Variants in NAV2 observed in about 807,000 individuals in gnomAD.
NAV2 encodes the protein neuron navigator 2, also known as helicase, APC down-regulated 1.
NAV2 carries 54 observed loss-of-function variants against 223.2 expected under a neutral mutation model. The observed-to-expected ratio is 0.24, with a 90% CI of 0.19 to 0.30. NAV2 has a LOEUF of 0.30. Among genes scored for constraint, NAV2 ranks in the 10% least tolerant of loss-of-function variants. NAV2 has a pLI of 1.00. For synonymous variants in NAV2, 1,279 were observed against 1,239.3 expected, an observed-to-expected ratio of 1.03 and a Z score of -0.67; for missense variants, 2,806 against 3,147.5, an observed-to-expected ratio of 0.89 and a Z score of 2.60.
intron 1 of NAV2, among the ~76,000 whole-genome samples, chr11:19,561,232 A>C (rs552747710): frequency 1.3e-5 from 2 of 152,296 alleles, no homozygotes; most frequent in South Asian, 4.2e-4. Flanking sequence ...AATGATGACT[A>C]ATTCTGTTCA....
Position 19,605,270 on chromosome 11 carries a change from C to T in NAV2, c.76-227214C>T, listed in dbSNP as rs75770686. On this transcript the variant is annotated intron_variant, in intron 1 of 37. Coordinates refer to the NAV2 transcript ENST00000360655. ...CTGATGTGCCTCCATCCAGCTGCCC[C>T]TTCAACCCTCAAACTCATCTAGATC... Among the ~76,000 whole-genome samples the T allele has an allele frequency of 3.4e-3, 524 of 152,258 alleles. 2 individuals carry two copies. Among genetic ancestry groups the T allele is most frequent in the African/African-American group, 0.012 (504 of 41,550 alleles).
intron 22 of NAV2, among the ~76,000 whole-genome samples, chr11:20,075,483 C>T (rs11822258): frequency 0.32 from 48,644 of 151,838 alleles, 8,656 homozygotes; most frequent in African/African-American, 0.48. Flanking sequence ...CCTCAGGGTC[C>T]GCCCGCCTTA....
At chr11:19,381,964 T>C (rs1392887955) in intron 1 of NAV2, among the ~76,000 whole-genome samples, 3 of 152,250 alleles carry the variant, frequency 2.0e-5, no homozygotes, top group Non-Finnish European at 4.4e-5. Context: ...GTGTGTCCTA[T>C]GCCAATCTGC....
intron 1 of NAV2, among the ~76,000 whole-genome samples, chr11:19,460,309 C>A (rs150276187): frequency 4.5e-4 from 69 of 152,266 alleles, no homozygotes; most frequent in African/African-American, 1.5e-3. Flanking sequence ...TCAAATCCAG[C>A]TTTCTTATTT....
At chr11:19,381,619 G>A (rs889175354) in intron 1 of NAV2, among the ~76,000 whole-genome samples, 5 of 152,192 alleles carry the variant, frequency 3.3e-5, no homozygotes, top group Non-Finnish European at 7.3e-5. Context: ...GGGGATATTT[G>A]ATGAAGGTGG....
At chr11:19,908,146 T>A (rs2043024180) in intron 6 of NAV2, among the ~76,000 whole-genome samples, 2 of 152,236 alleles carry the variant, frequency 1.3e-5, no homozygotes, top group Admixed American at 6.5e-5. Flanking sequence ...TCAGATCACC[T>A]TCTCAGATGT....
chr11:19,902,286 C>A (rs183994924), intron 6 of NAV2, among the ~76,000 whole-genome samples: 1 of 152,134 alleles, frequency 6.6e-6, no homozygotes, highest in Non-Finnish European at 1.5e-5. Context: ...TTTAAAAGAG[C>A]CTTCAGAAGA....
intron 1 of NAV2, among the ~76,000 whole-genome samples, chr11:19,654,509 A>G (rs1469998754): frequency 6.6e-6 from 1 of 152,186 alleles, no homozygotes; most frequent in East Asian, 1.9e-4. Context: ...AGGCTACAGT[A>G]ACCAAAACAG....
intron 1 of NAV2, among the ~76,000 whole-genome samples, chr11:19,574,080 G>C (rs1184177788): frequency 6.6e-6 from 1 of 152,226 alleles, no homozygotes; most frequent in African/African-American, 2.4e-5. Flanking sequence ...TCTGTCAAAA[G>C]AGGATGTTGG....
chr11:19,829,883 A>G (rs949727235), intron 1 of NAV2, among the ~76,000 whole-genome samples: 1 of 152,196 alleles, frequency 6.6e-6, no homozygotes, highest in Non-Finnish European at 1.5e-5. Flanking sequence ...TCACTTATCC[A>G]AAGGCATTCA....
chr11:19,542,840 A>T (rs1175761315), intron 1 of NAV2, among the ~76,000 whole-genome samples: 3 of 152,264 alleles, frequency 2.0e-5, no homozygotes, highest in Admixed American at 2.0e-4. Context: ...CGCCTGACTC[A>T]GACTGTGAGC....
chr11:19,763,689 C>A (rs556712469), intron 1 of NAV2, among the ~76,000 whole-genome samples: 2 of 152,140 alleles, frequency 1.3e-5, no homozygotes, highest in African/African-American at 4.8e-5. Context: ...TGTCTCAGCT[C>A]CATGGGAGAC....
intron 1 of NAV2, among the ~76,000 whole-genome samples, chr11:19,762,506 C>A (rs2054839427): frequency 6.6e-6 from 1 of 152,156 alleles, no homozygotes. Context: ...GGCCTCAGGG[C>A]CTTTGCAGAA....
chr11:19,557,743 T>G (rs1475046832), intron 1 of NAV2, among the ~76,000 whole-genome samples: 1 of 152,216 alleles, frequency 6.6e-6, no homozygotes, highest in Admixed American at 6.5e-5. Context: ...GGGGCTGCAC[T>G]TCCAGGTGAG....
In NAV2 at chr11:19,892,492, G is replaced by A. The variant is rs1404892163; in HGVS notation, c.829G>A (p.Gly277Arg). 2 of 1,614,152 alleles carry A rather than the reference G, an allele frequency of 1.2e-6. No individual in the cohort carries two copies. The highest frequency in any genetic ancestry group is 1.7e-6 in the Non-Finnish European group (2 of 1,180,010). ...AAGSEAKTRG[G>R]STTANNRRSQ... ...AGGCAGCGAGGCCAAAACACGCGGAGGGTCAACTACTGCTAACAACCGACG... is the reference window on the plus strand; with the variant it reads ...AGGCAGCGAGGCCAAAACACGCGGAAGGTCAACTACTGCTAACAACCGACG... Residue 277 changes from glycine (G) to arginine (R), a missense_variant, in exon 6 of 38, where the codon GGG becomes AGG. Gly to Arg is a moderately radical substitution (Grantham distance 125, BLOSUM62 -2). Coordinates refer to ENST00000349880, the MANE Select transcript of NAV2 (RefSeq NM_145117.5).
At chr11:19,540,674 C>T (rs2044314693) in intron 1 of NAV2, among the ~76,000 whole-genome samples, 1 of 152,210 alleles carries the variant, frequency 6.6e-6, no homozygotes, top group Non-Finnish European at 1.5e-5. Flanking sequence ...TTGGAAAATG[C>T]TGTAGCTGCT....
intron 1 of NAV2, among the ~76,000 whole-genome samples, chr11:19,769,496 T>TG (rs1182518845): frequency 6.6e-6 from 1 of 152,172 alleles, no homozygotes; most frequent in African/African-American, 2.4e-5. Context: ...GGTGCACCTG[T>TG]TTCCTCCCTC....
At chr11:19,893,002 G>T (rs185416334) in intron 6 of NAV2, among the ~76,000 whole-genome samples, 3 of 152,260 alleles carry the variant, frequency 2.0e-5, no homozygotes, top group Admixed American at 2.0e-4. Context: ...TGTGAGGGGA[G>T]TTAGGAACAA....
chr11:19,930,820 T>C (rs952842162), intron 6 of NAV2, among the ~76,000 whole-genome samples: 20 of 152,208 alleles, frequency 1.3e-4, no homozygotes, highest in Non-Finnish European at 2.6e-4. Flanking sequence ...GGTTCACTAT[T>C]ATTTCAGCCA....
Sources: gnomAD v4.1 joint callset for allele counts (sites outside exome capture counted in the v4.1 genomes callset) on GRCh38, gnomAD v4.1.1 for gene constraint, MANE v1.5 for transcripts, NCBI Gene and HGNC (gene_info 2026-07-23, HGNC 2026-07-21) for gene names.